Variants in CYRIA observed in about 807,000 individuals in gnomAD.
CYRIA encodes CYFIP-related Rac1 interactor A.
Under a neutral mutation model 43.9 loss-of-function variants are expected in CYRIA, and 15 were observed. The ratio of observed to expected loss-of-function variants is 0.34; its 90% confidence interval spans 0.23 to 0.53. The LOEUF is 0.53. Ranked by LOEUF, CYRIA falls within the 20% of genes least tolerant of loss-of-function variation. CYRIA has a pLI of 0.94. For synonymous variants in CYRIA, 117 were observed against 136.0 expected (o/e 0.86, Z 0.97); for missense variants, 236 against 394.2 (o/e 0.60, Z 3.40).
chr2:16,615,169 C>A (rs1454150597), intron 2 of CYRIA, among the ~76,000 whole-genome samples: 1 of 152,218 alleles, frequency 6.6e-6, no homozygotes, highest in African/African-American at 2.4e-5. Context: ...ATTACAAATG[C>A]AGTCTCTCAA....
At chr2:16,608,453 T>C (rs1312357483) in intron 2 of CYRIA, among the ~76,000 whole-genome samples, 3 of 152,084 alleles carry the variant, frequency 2.0e-5, no homozygotes, top group East Asian at 3.9e-4. Context: ...TATTTTAAGA[T>C]CGCAAATTTC....
chr2:16,616,432 G>A (rs73211587), intron 2 of CYRIA, among the ~76,000 whole-genome samples: 170 of 152,048 alleles, frequency 1.1e-3, no homozygotes, highest in African/African-American at 3.7e-3. Context: ...TGGCTCCCCC[G>A]GGCTCCTGCT....
At chr2:16,632,496 G>GAA (rs1558435815) in intron 1 of CYRIA, among the ~76,000 whole-genome samples, 2 of 151,876 alleles carry the variant, frequency 1.3e-5, no homozygotes, top group East Asian at 3.9e-4. Context: ...AGCCTCAGAG[G>GAA]CAATGATATA....
At chr2:16,626,881 C>A (rs1433829092) in intron 1 of CYRIA, among the ~76,000 whole-genome samples, 1 of 152,186 alleles carries the variant, frequency 6.6e-6, no homozygotes, top group East Asian at 1.9e-4. Flanking sequence ...GGAGTTTGCC[C>A]TTCTGTAGCA....
At chr2:16,575,640 G>A (rs968639013) in intron 3 of CYRIA, among the ~76,000 whole-genome samples, 1 of 152,000 alleles carries the variant, frequency 6.6e-6, no homozygotes, top group African/African-American at 2.4e-5. Flanking sequence ...CGGATCACGA[G>A]GTCAGGAGAT....
intron 1 of CYRIA, among the ~76,000 whole-genome samples, chr2:16,653,364 A>G (rs528489292): frequency 6.6e-6 from 1 of 152,124 alleles, no homozygotes; most frequent in African/African-American, 2.4e-5. Flanking sequence ...GTTTCCCCCA[A>G]TTATCCACAA....
At chr2:16,610,607 C>T (rs1165733995) in intron 2 of CYRIA, among the ~76,000 whole-genome samples, 4 of 152,036 alleles carry the variant, frequency 2.6e-5, no homozygotes, top group African/African-American at 9.7e-5. Flanking sequence ...CAGTCCTGTT[C>T]AGGTACAGAT....
rs76737878 is a variant in CYRIA at position 16,650,218 on chromosome 2, T to A, written c.-167+15562A>T. Among the ~76,000 whole-genome samples the A allele has an allele frequency of 0.033, 4,966 of 152,278 alleles. 109 individuals are homozygous for A. Among genetic ancestry groups the A allele is most frequent in the South Asian group, 0.074 (357 of 4,826 alleles). Reference sequence around the variant, plus strand: ...TCCACATTTTTCCAGATTAAATAATTTTATATTCACAGGTATTATGTTGGG... The same window carrying A: ...TCCACATTTTTCCAGATTAAATAATATTATATTCACAGGTATTATGTTGGG... On this transcript the variant is annotated intron_variant, in intron 1 of 11. Coordinates refer to ENST00000381323, the MANE Select transcript of CYRIA (RefSeq NM_030797.4). The surrounding 1 kb of genome is among the most constrained non-coding windows in gnomAD (Gnocchi z 4.1).
intron 11 of CYRIA, 65 bp from the exon 12 acceptor site, chr2:16,553,064 T>A: frequency 9.9e-7 from 1 of 1,008,182 alleles, no homozygotes; most frequent in Non-Finnish European, 1.6e-6. Flanking sequence ...TCAGCCCATC[T>A]TTACCTTCGG....
intron 2 of CYRIA, among the ~76,000 whole-genome samples, chr2:16,589,998 C>A (rs968972738): frequency 4.0e-5 from 6 of 151,714 alleles, no homozygotes; most frequent in South Asian, 2.1e-4. Context: ...ATGTGTGGGG[C>A]AGAAGGCTGG....
intron 2 of CYRIA, among the ~76,000 whole-genome samples, chr2:16,602,839 A>G (rs1288788079): frequency 6.6e-6 from 1 of 152,200 alleles, no homozygotes; most frequent in Non-Finnish European, 1.5e-5. Context: ...TGATGAACTC[A>G]GAATGCTCTT....
rs199870198 is a variant in CYRIA, at chr2:16,561,101, T to C, written c.631-32A>G. 4,054 of 1,611,210 alleles carry C rather than the reference T, an allele frequency of 2.5e-3. 6 individuals are homozygous for C. The highest frequency in any genetic ancestry group is 3.2e-3 in the Non-Finnish European group (3,728 of 1,177,418). ...GGGAGACACAAATGTACATTAGTCC[T>C]GCTTGCAGCTCTTGTGTGGAATTAA... is the stretch of plus-strand genomic sequence containing the variant. On this transcript the variant is annotated intron_variant, in intron 8 of 11. Transcript: ENST00000381323.
At position 16,639,302 on chromosome 2, in the gene CYRIA, G is replaced by A. The variant is rs555265790; in HGVS notation, c.-166-15283C>T. 1.4e-4 allele frequency among the ~76,000 whole-genome samples: 22 copies of A among 152,328 alleles called. No homozygotes were observed. The South Asian group carries it at 3.1e-3, about 21-fold the overall frequency. On this transcript the variant is annotated intron_variant, in intron 1 of 11. Coordinates refer to ENST00000381323, the MANE Select transcript of CYRIA (RefSeq NM_030797.4). ...CAATGAATGTATGTTTCCAATTTTA[G>A]ATAAAAGAATGACTTTCACAAAGCT...
At chr2:16,566,826 G>A (rs1011196412) in intron 3 of CYRIA, among the ~76,000 whole-genome samples, 1 of 152,164 alleles carries the variant, frequency 6.6e-6, no homozygotes, top group African/African-American at 2.4e-5. Flanking sequence ...CAATTCCTAT[G>A]CAATAGGTTA....
intron 7 of CYRIA, 52 bp downstream of exon 7, chr2:16,561,404 T>C: frequency 6.4e-7 from 1 of 1,556,164 alleles, no homozygotes; most frequent in Non-Finnish European, 8.9e-7. Context: ...GATGCAGAAA[T>C]CAAAAGAGTC....
chr2:16,642,591 T>C (rs950250565), intron 1 of CYRIA, among the ~76,000 whole-genome samples: 2 of 152,096 alleles, frequency 1.3e-5, no homozygotes, highest in Non-Finnish European at 2.9e-5. Flanking sequence ...ACTGGGACCC[T>C]CCGCTAGAAC....
chr2:16,556,403 C>T lies in CYRIA; in HGVS notation c.838-1264G>A, dbSNP rs531844132. 3.3e-5 allele frequency among the ~76,000 whole-genome samples: 5 copies of T among 152,218 alleles called. No homozygotes were observed. In the South Asian group the frequency reaches 1.0e-3, roughly 32 times the overall value. ...GGCCCAGGGATGCAGAGATTCTGTC[C>T]CTCTCCCATAGTTGATTATCACAGT... On this transcript the variant is annotated intron_variant, in intron 10 of 11. Transcript: ENST00000381323.
chr2:16,647,954 G>T (rs1669867171), intron 1 of CYRIA, among the ~76,000 whole-genome samples: 1 of 152,166 alleles, frequency 6.6e-6, no homozygotes, highest in Non-Finnish European at 1.5e-5. Context: ...CCACGGCCCT[G>T]TCCAACCAGG....
chr2:16,575,655 A>G (rs1356553014), intron 3 of CYRIA, among the ~76,000 whole-genome samples: 1 of 151,948 alleles, frequency 6.6e-6, no homozygotes, highest in Non-Finnish European at 1.5e-5. Flanking sequence ...GGAGATTGAG[A>G]CCATCCTGGC....
Sources: gnomAD v4.1 joint callset for allele counts (sites outside exome capture counted in the v4.1 genomes callset) on GRCh38, gnomAD v4.1.1 for gene constraint, Gnocchi (gnomAD v3.1) non-coding constraint, MANE v1.5 for transcripts, NCBI Gene and HGNC (gene_info 2026-07-23, HGNC 2026-07-21) for gene names.